The following ATF7IP2 variants were observed in gnomAD, a reference collection of about 807,000 sequenced individuals.
The protein encoded by ATF7IP2 is activating transcription factor 7 interacting protein 2.
ATF7IP2 carries 42 observed loss-of-function variants against 64.2 expected under a neutral mutation model. The observed-to-expected ratio is 0.65, with a 90% CI of 0.51 to 0.85. ATF7IP2 has a LOEUF of 0.85. Among genes scored for constraint, ATF7IP2 ranks in the 40% least tolerant of loss-of-function variants. ATF7IP2 has a pLI of 0.00. For synonymous variants in ATF7IP2, 308 were observed against 272.8 expected, an observed-to-expected ratio of 1.13 and a Z score of -1.27; for missense variants, 933 against 784.2, an observed-to-expected ratio of 1.19 and a Z score of -2.27.
chr16:10,462,519 A>C (rs1033240686), intron 9 of ATF7IP2, among the ~76,000 whole-genome samples: 1 of 152,068 alleles, frequency 6.6e-6, no homozygotes, highest in Admixed American at 6.6e-5. Context: ...TTTCATTTTC[A>C]TCACATTGCT....
chr16:10,445,212 T>A (rs1359178106), intron 8 of ATF7IP2: 1 of 152,212 alleles, frequency 6.6e-6, no homozygotes, highest in Non-Finnish European at 1.5e-5. Flanking sequence ...AAGACCTCCT[T>A]CATGAGAGGT....
intron 1 of ATF7IP2, among the ~76,000 whole-genome samples, chr16:10,391,729 C>A (rs928245230): frequency 6.6e-6 from 1 of 152,000 alleles, no homozygotes; most frequent in Non-Finnish European, 1.5e-5. Flanking sequence ...GAAACACTAT[C>A]TCTACTAAAA....
chr16:10,386,964 C>G (rs1461109500), intron 1 of ATF7IP2: 1 of 152,124 alleles, frequency 6.6e-6, no homozygotes, highest in Non-Finnish European at 1.5e-5. Flanking sequence ...GTGTTCCTTC[C>G]TTTACGACAC....
At chr16:10,410,845 G>T (rs1384671339) in intron 1 of ATF7IP2, among the ~76,000 whole-genome samples, 1 of 152,124 alleles carries the variant, frequency 6.6e-6, no homozygotes, top group Admixed American at 6.5e-5. Context: ...GTTGGCTGTG[G>T]ATTTGTCATA....
At chr16:10,411,918 TC>T (rs148842509) in intron 1 of ATF7IP2, among the ~76,000 whole-genome samples, 6,531 of 146,854 alleles carry the variant, frequency 0.044, 242 homozygotes, top group Non-Finnish European at 0.068. Flanking sequence ...TTTTTTTTTT[TC>T]CTCAGCTTTT....
At chr16:10,411,500 A>G (rs2047759214) in intron 1 of ATF7IP2, among the ~76,000 whole-genome samples, 1 of 151,902 alleles carries the variant, frequency 6.6e-6, no homozygotes, top group Non-Finnish European at 1.5e-5. Flanking sequence ...CCTCCAGAGT[A>G]GCTGGGATTA....
chr16:10,476,093 T>C lies in ATF7IP2; in HGVS notation c.1549+2104T>C, dbSNP rs143565586. On this transcript the variant is annotated intron_variant, in intron 12 of 13. Transcript: ENST00000562102. ...TAGGATATTTTAAATATTCAGCTGT[T>C]GGCTAAAAATGTAAAGGTTGTTTGT... Among the ~76,000 whole-genome samples, 896 of 152,336 alleles carry C rather than the reference T, an allele frequency of 5.9e-3. 5 individuals are homozygous for C. The highest frequency in any genetic ancestry group is 0.021 in the African/African-American group (857 of 41,570).
intron 9 of ATF7IP2, among the ~76,000 whole-genome samples, chr16:10,461,152 C>A (rs977326539): frequency 1.3e-5 from 2 of 152,016 alleles, no homozygotes; most frequent in East Asian, 3.8e-4. Flanking sequence ...GATATCATTT[C>A]ATATCAGGTA....
intron 1 of ATF7IP2, among the ~76,000 whole-genome samples, chr16:10,396,964 G>C (rs1008226797): frequency 2.6e-5 from 4 of 152,030 alleles, no homozygotes; most frequent in African/African-American, 9.7e-5. Flanking sequence ...ACCACGCCCA[G>C]CCTACATTTA....
At chr16:10,477,757 C>G (rs1006391880) in intron 12 of ATF7IP2, among the ~76,000 whole-genome samples, 28 of 152,270 alleles carry the variant, frequency 1.8e-4, no homozygotes, top group African/African-American at 6.7e-4. Context: ...ACCCCATTGT[C>G]TCAGCCCAAA....
chr16:10,438,681 T>G (rs2048503930), intron 7 of ATF7IP2, among the ~76,000 whole-genome samples: 1 of 152,148 alleles, frequency 6.6e-6, no homozygotes, highest in South Asian at 2.1e-4. Context: ...GCAATGTAAT[T>G]TACTATAGCT....
At chr16:10,418,446 A>G (rs2047921975) in intron 2 of ATF7IP2, among the ~76,000 whole-genome samples, 1 of 152,198 alleles carries the variant, frequency 6.6e-6, no homozygotes, top group Non-Finnish European at 1.5e-5. Context: ...TTGCAAGACG[A>G]TAGAAGCAAA....
At chr16:10,409,587 CA>C (rs2141806025) in intron 1 of ATF7IP2, among the ~76,000 whole-genome samples, 1 of 152,122 alleles carries the variant, frequency 6.6e-6, no homozygotes, top group African/African-American at 2.4e-5. Context: ...CAACCACGCC[CA>C]GCTAATTTTT....
At chr16:10,475,233 G>T (rs1167760302) in intron 12 of ATF7IP2, among the ~76,000 whole-genome samples, 2 of 152,176 alleles carry the variant, frequency 1.3e-5, no homozygotes, top group Non-Finnish European at 2.9e-5. Flanking sequence ...TCACAGGATT[G>T]GAAGTATGCT....
At chr16:10,407,545 C>T (rs901161385) in intron 1 of ATF7IP2, among the ~76,000 whole-genome samples, 10 of 151,996 alleles carry the variant, frequency 6.6e-5, no homozygotes, top group South Asian at 6.2e-4. Context: ...ACAAAATCAC[C>T]GTACAAAATT....
At chr16:10,460,414 C>T (rs1333368708) in intron 9 of ATF7IP2, among the ~76,000 whole-genome samples, 1 of 152,060 alleles carries the variant, frequency 6.6e-6, no homozygotes, top group Non-Finnish European at 1.5e-5. Flanking sequence ...TCAAGATACT[C>T]TTTAATTAGT....
intron 8 of ATF7IP2, among the ~76,000 whole-genome samples, chr16:10,441,212 C>T (rs58648962): frequency 0.032 from 4,938 of 152,152 alleles, 206 homozygotes; most frequent in African/African-American, 0.099. Flanking sequence ...AATAAACGTA[C>T]GTGTGCATGT....
At chr16:10,453,672 C>T (rs1408585156) in intron 8 of ATF7IP2, among the ~76,000 whole-genome samples, 2 of 152,190 alleles carry the variant, frequency 1.3e-5, no homozygotes, top group South Asian at 4.1e-4. Flanking sequence ...GGCTGGAGTG[C>T]AGTGGCACAA....
intron 3 of ATF7IP2, among the ~76,000 whole-genome samples, chr16:10,421,979 T>C (rs1318785440): frequency 6.6e-6 from 1 of 152,234 alleles, no homozygotes; most frequent in Non-Finnish European, 1.5e-5. Context: ...TTCAGAATCA[T>C]AGCAGGAGAA....
Sources: gnomAD v4.1 joint callset for allele counts (sites outside exome capture counted in the v4.1 genomes callset) on GRCh38, gnomAD v4.1.1 for gene constraint, MANE v1.5 for transcripts, NCBI Gene and HGNC (gene_info 2026-07-23, HGNC 2026-07-21) for gene names.